Variants in SEPTIN9 observed in about 807,000 individuals in gnomAD.
The protein encoded by SEPTIN9 is septin 9.
In SEPTIN9, 13 loss-of-function variants were observed where a neutral mutation model predicts 56.6. That is an observed-to-expected ratio of 0.23 (90% confidence interval 0.15 to 0.37). The LOEUF (loss-of-function observed/expected upper bound fraction) is 0.37, where lower values mean the gene tolerates loss of function less well. SEPTIN9 is among the 10% of genes least tolerant of loss of function. The pLI, the probability that SEPTIN9 is intolerant of heterozygous loss-of-function variation, is 1.00. For synonymous variants in SEPTIN9, 332 were observed against 334.1 expected (o/e 0.99, Z 0.07); for missense variants, 650 against 823.1 (o/e 0.79, Z 2.57).
At chr17:77,345,665 C>G (rs984404088) in intron 2 of SEPTIN9, among the ~76,000 whole-genome samples, 1 of 152,164 alleles carries the variant, frequency 6.6e-6, no homozygotes, top group Non-Finnish European at 1.5e-5. Context: ...GCAGGCCCCA[C>G]TGGGCACACG....
chr17:77,478,552 A>AT (rs1054452990), intron 3 of SEPTIN9, among the ~76,000 whole-genome samples: 2 of 152,196 alleles, frequency 1.3e-5, no homozygotes, highest in African/African-American at 4.8e-5. Context: ...CACGCCTGTA[A>AT]TCTCAGCACT....
intron 2 of SEPTIN9, among the ~76,000 whole-genome samples, chr17:77,339,974 C>T (rs1171187061): frequency 1.3e-5 from 2 of 150,012 alleles, no homozygotes; most frequent in Non-Finnish European, 3.0e-5. Flanking sequence ...TGCAGGTGTG[C>T]ACTACCATGC....
rs905004281 is a variant in SEPTIN9 at position 77,499,702 on chromosome 17, C to G, written c.*1044C>G. The G allele has an allele frequency of 2.6e-6, 1 of 391,464 alleles. No individual in the cohort carries two copies. The highest frequency in any genetic ancestry group is 4.8e-6 in the Non-Finnish European group (1 of 209,306). 24.2% of individuals were successfully genotyped at this position (391,464 alleles called of 1,614,324 possible). ...TGTCTGTCTAGTGTCTGGGTTTGGC[C>G]CAAGACTGGGCTGTAGTTACATTAA... On this transcript the variant is annotated 3_prime_UTR_variant, in exon 12 of 12. Transcript: ENST00000427177.
At chr17:77,468,105 A>G (rs1176682438) in intron 3 of SEPTIN9, among the ~76,000 whole-genome samples, 1 of 152,126 alleles carries the variant, frequency 6.6e-6, no homozygotes, top group Admixed American at 6.5e-5. Flanking sequence ...TTCTACTAAA[A>G]ATATAAAAAA....
intron 3 of SEPTIN9, chr17:77,466,391 C>CGGA: frequency 1.0e-6 from 1 of 985,422 alleles, no homozygotes; most frequent in Non-Finnish European, 1.2e-6. Context: ...AGCTCCTTCC[C>CGGA]GGAGTTCGGG....
chr17:77,493,118 C>G (rs908735716), intron 10 of SEPTIN9, 42 bp downstream of exon 10: 1 of 1,439,866 alleles, frequency 6.9e-7, no homozygotes, highest in African/African-American at 1.4e-5. Context: ...GATGGGAAGA[C>G]AGTCTCTTCT....
At chr17:77,493,750 C>T (rs1162810991) in intron 10 of SEPTIN9, among the ~76,000 whole-genome samples, 2 of 150,734 alleles carry the variant, frequency 1.3e-5, no homozygotes, top group African/African-American at 4.9e-5. Context: ...TGTCTCTGTC[C>T]CGTCCCTCCT....
rs150260573 is a variant in SEPTIN9 at position 77,436,264 on chromosome 17, G to T, written c.721+33561G>T. On this transcript the variant is annotated intron_variant, in intron 3 of 11. Coordinates refer to ENST00000427177, the MANE Select transcript of SEPTIN9 (RefSeq NM_001113491.2). The surrounding 1 kb of genome is among the most constrained non-coding windows in gnomAD (Gnocchi z 4.4). Reference sequence around the variant, plus strand: ...AGAGAGGCCTTATCTTCAGAGGAAGGGGTGGGCGGGGACACAGCGCTGTTC... The same window carrying T: ...AGAGAGGCCTTATCTTCAGAGGAAGTGGTGGGCGGGGACACAGCGCTGTTC... Among the ~76,000 whole-genome samples the T allele has an allele frequency of 6.7e-3, 1,015 of 152,302 alleles. 15 individuals are homozygous for T. The highest frequency in any genetic ancestry group is 0.023 in the African/African-American group (967 of 41,558).
At chr17:77,358,510 A>G (rs2034322882) in intron 2 of SEPTIN9, among the ~76,000 whole-genome samples, 5 of 152,142 alleles carry the variant, frequency 3.3e-5, no homozygotes, top group Admixed American at 3.3e-4. Context: ...AGTCCCAGCT[A>G]CTCAAGGAGA....
intron 2 of SEPTIN9, among the ~76,000 whole-genome samples, chr17:77,378,365 G>T (rs534785142): frequency 6.6e-6 from 1 of 152,110 alleles, no homozygotes; most frequent in Non-Finnish European, 1.5e-5. Context: ...CAGTTTCTTC[G>T]CCTGTTTCCC....
At chr17:77,468,473 G>A (rs1330364968) in intron 3 of SEPTIN9, among the ~76,000 whole-genome samples, 3 of 152,194 alleles carry the variant, frequency 2.0e-5, no homozygotes, top group Non-Finnish European at 2.9e-5. Flanking sequence ...GGTTAGGGGC[G>A]TGTGTTTTGT....
rs992031430 is a variant in SEPTIN9 at position 77,445,539 on chromosome 17, T to TGC, written c.722-36603_722-36602dup. ...GTGTGCACGCACGTGTGTGTGTGTG[T>TGC]GCGTGCGTGCTGGGTGGGTAGGGAG... is the stretch of plus-strand genomic sequence containing the variant. On this transcript the variant is annotated intron_variant, in intron 3 of 11. Transcript: ENST00000427177. The surrounding 1 kb of genome is among the most constrained non-coding windows in gnomAD (Gnocchi z 4.7). 29 of 394,074 alleles carry TGC rather than the reference T, an allele frequency of 7.4e-5. No homozygotes were observed. The highest frequency in any genetic ancestry group is 5.1e-4 in the South Asian group (27 of 52,482). The allele number at this position is 394,074 out of a possible 1,614,324, so 24.4% of individuals were successfully genotyped here.
chr17:77,466,572 C>G, intron 3 of SEPTIN9: 7 of 985,624 alleles, frequency 7.1e-6, no homozygotes, highest in Non-Finnish European at 8.4e-6. Flanking sequence ...TAGGTCAACC[C>G]CAGGCCCTGG....
chr17:77,333,784 T>G (rs1477867591), intron 2 of SEPTIN9, among the ~76,000 whole-genome samples: 1 of 152,174 alleles, frequency 6.6e-6, no homozygotes, highest in Non-Finnish European at 1.5e-5. Flanking sequence ...TTTTATGTGT[T>G]TATTCAGTTG....
chr17:77,307,808 G>C (rs1345350816), intron 2 of SEPTIN9, among the ~76,000 whole-genome samples: 3 of 152,226 alleles, frequency 2.0e-5, no homozygotes, highest in African/African-American at 7.2e-5. Flanking sequence ...ACAGCTTATA[G>C]GCTTGAAGGG....
rs199654323 is a variant in SEPTIN9 at position 77,367,108 on chromosome 17, CTG to C, written c.77-34950_77-34949del. On this transcript the variant is annotated intron_variant, in intron 2 of 11. Transcript: ENST00000427177. This position sits in a 1 kb window ranked among gnomAD's most constrained non-coding sequence, Gnocchi z 4.5. Reference sequence around the variant, plus strand: ...CAGAGGGTGTGATGGGGTGTGGTAGCTGCACACCGGCTCAGTCAGGCTGAATG... The same window carrying C: ...CAGAGGGTGTGATGGGGTGTGGTAGCCACACCGGCTCAGTCAGGCTGAATG... Among the ~76,000 whole-genome samples the C allele has an allele frequency of 6.6e-6, 1 of 151,952 alleles. No homozygotes were observed. The highest frequency in any genetic ancestry group is 2.4e-5 in the African/African-American group (1 of 41,412).
chr17:77,484,799 T>G (rs1448672217), intron 4 of SEPTIN9, among the ~76,000 whole-genome samples: 22 of 43,124 alleles, frequency 5.1e-4, no homozygotes, highest in South Asian at 1.6e-3. Context: ...GGTGGTGATG[T>G]GGGTGGTGGT....
intron 3 of SEPTIN9, among the ~76,000 whole-genome samples, chr17:77,413,121 T>TGC (rs1294742577): frequency 1.3e-5 from 2 of 148,588 alleles, no homozygotes; most frequent in South Asian, 2.1e-4. Flanking sequence ...TGTGTGTGTG[T>TGC]GCTATTTTTA....
In SEPTIN9 at chr17:77,292,598, A is replaced by G. The variant is rs766024298; in HGVS notation, c.19+11044A>G. On this transcript the variant is annotated intron_variant, in intron 1 of 11. Coordinates refer to ENST00000427177, the MANE Select transcript of SEPTIN9 (RefSeq NM_001113491.2). ...AACCTCCGCCTCCCGGGTTCAACCAATTCTCCTGCTTCAGCCTCCCAAGTA... is the reference window on the plus strand; with the variant it reads ...AACCTCCGCCTCCCGGGTTCAACCAGTTCTCCTGCTTCAGCCTCCCAAGTA... Among the ~76,000 whole-genome samples the G allele has an allele frequency of 5.3e-5, 8 of 152,048 alleles. 2 individuals carry two copies. Among genetic ancestry groups the G allele is most frequent in the Admixed American group, 3.9e-4 (6 of 15,276 alleles).
Sources: gnomAD v4.1 joint callset for allele counts (sites outside exome capture counted in the v4.1 genomes callset) on GRCh38, gnomAD v4.1.1 for gene constraint, Gnocchi (gnomAD v3.1) non-coding constraint, MANE v1.5 for transcripts, NCBI Gene and HGNC (gene_info 2026-07-23, HGNC 2026-07-21) for gene names.